The following DDI1 variants were observed in gnomAD, a reference collection of about 807,000 sequenced individuals.
DDI1 encodes the protein DDI proteasomal shuttling factor 1, also known as protein DDI1 homolog 1.
DDI1 carries 6 observed loss-of-function variants against 7.2 expected under a neutral mutation model. The observed-to-expected ratio is 0.83, with a 90% CI of 0.46 to 1.64. The LOEUF (loss-of-function observed/expected upper bound fraction) is 1.64, where lower values mean the gene tolerates loss of function less well. Ranked by LOEUF, DDI1 falls within the 40% of genes most tolerant of loss-of-function variation. The pLI is 0.01. For missense variants in DDI1, 502 were observed against 516.6 expected (o/e 0.97, Z 0.27); for synonymous variants, 221 against 201.7 (o/e 1.10, Z -0.81).
At position 104,037,209 on chromosome 11, in the gene DDI1, G is replaced by C. The variant is rs774253494; in HGVS notation, c.387G>C (p.Ala129=). The C allele has an allele frequency of 5.6e-6, 9 of 1,613,604 alleles. No homozygotes were observed. In the East Asian group the frequency reaches 1.8e-4, roughly 32 times the overall value. Residue 129 remains alanine (A), a synonymous_variant, in exon 1 of 1, where the codon GCG becomes GCC. Transcript: ENST00000302259. ...TPAAQRSQGL[A]SGEKVAGLQG... ...CTGCCCAGCGGTCACAGGGCTTGGC[G>C]TCAGGAGAGAAGGTGGCCGGCCTGC...
rs1207627589 is a variant in DDI1 at position 104,038,053 on chromosome 11, G to A, written c.*40G>A. On this transcript the variant is annotated 3_prime_UTR_variant, in exon 1 of 1. Coordinates refer to ENST00000302259, the MANE Select transcript of DDI1 (RefSeq NM_001001711.3). ...ATGTTACCACCTTGAGGGAGCCTCA[G>A]GTCCCCGGCAATTATAAGTTAAGAG... The A allele has an allele frequency of 3.2e-6, 5 of 1,553,272 alleles. No homozygotes were observed. The highest frequency in any genetic ancestry group is 1.9e-5 in the Admixed American group (1 of 51,412).
At position 104,038,035 on chromosome 11, in the gene DDI1, C is replaced by T. The variant is rs755145960; in HGVS notation, c.*22C>T. ...TTAAAGCACGTTATAAATATGTTAC[C>T]ACCTTGAGGGAGCCTCAGGTCCCCG... On this transcript the variant is annotated 3_prime_UTR_variant, in exon 1 of 1. Transcript: ENST00000302259. The T allele has an allele frequency of 1.3e-6, 2 of 1,593,440 alleles. No homozygotes were observed. Among genetic ancestry groups the T allele is most frequent in the Non-Finnish European group, 1.7e-6 (2 of 1,166,692 alleles).
Position 104,037,087 on chromosome 11 carries a change from C to T in DDI1, c.265C>T (p.Pro89Ser), listed in dbSNP as rs1361081860. 4.3e-6 allele frequency: 7 copies of T among 1,614,194 alleles called. No homozygotes were observed. The East Asian group carries it at 1.3e-4, about 31-fold the overall frequency. Reference protein sequence around the residue: ...NVGPRAPGRAPNQPRVDFSGI... With the variant: ...NVGPRAPGRASNQPRVDFSGI... ...GGGACCTCGGGCTCCAGGGCGTGCCCCGAACCAGCCTCGTGTAGACTTCAG... is the reference window on the plus strand; with the variant it reads ...GGGACCTCGGGCTCCAGGGCGTGCCTCGAACCAGCCTCGTGTAGACTTCAG... Residue 89 changes from proline to serine, a missense_variant, in exon 1 of 1, where the codon CCG (proline) becomes TCG (serine). Pro to Ser is a moderately conservative substitution (Grantham distance 74). Transcript: ENST00000302259.
In DDI1 at chr11:104,037,841, G is replaced by A; in HGVS notation, c.1019G>A (p.Cys340Tyr). The change falls in exon 1 of 1, where the codon TGT (cysteine) becomes TAT (tyrosine). Residue 340 changes from cysteine to tyrosine, a missense_variant. By Grantham distance (194) the Cys-to-Tyr change is radical. Transcript: ENST00000302259. ...LGLDMLRRHQ[C>Y]SIDLKKNVLV... is the part of the protein sequence containing the mutation. Reference sequence around the variant, plus strand: ...CTAGATATGCTCCGGAGACATCAATGTTCCATCGATTTGAAGAAAAATGTG... The same window carrying A: ...CTAGATATGCTCCGGAGACATCAATATTCCATCGATTTGAAGAAAAATGTG... The A allele has an allele frequency of 6.2e-7, 1 of 1,614,152 alleles. No homozygotes were observed. Among genetic ancestry groups the A allele is most frequent in the East Asian group, 2.2e-5 (1 of 44,880 alleles).
chr11:104,038,280 A>C lies in DDI1; in HGVS notation c.*267A>C. The C allele has an allele frequency of 2.4e-6, 1 of 417,660 alleles. No homozygotes were observed. The highest frequency in any genetic ancestry group is 5.0e-5 in the South Asian group (1 of 19,868). 25.9% of individuals were successfully genotyped at this position (417,660 alleles called of 1,614,324 possible). On this transcript the variant is annotated 3_prime_UTR_variant, in exon 1 of 1. Coordinates refer to ENST00000302259, the MANE Select transcript of DDI1 (RefSeq NM_001001711.3). ...GATTTCCAGATAATCCATGAAAAAGAAAACCAGCTTCTTCCTTTAGAGACA... is the reference window on the plus strand; with the variant it reads ...GATTTCCAGATAATCCATGAAAAAGCAAACCAGCTTCTTCCTTTAGAGACA...
rs771642015 is a variant in DDI1 at position 104,037,048 on chromosome 11, C to T, written c.226C>T (p.Gln76Ter). Residue 76 changes from glutamine to a stop codon, truncating the protein, a stop_gained, in exon 1 of 1, where the codon CAG becomes TAG. Transcript: ENST00000302259. LOFTEE classifies it low-confidence loss of function (END_TRUNC). ...AGATGGCGATATCGTGGTTTTACTGCAGAAGGACAATGTGGGACCTCGGGC... is the reference window on the plus strand; with the variant it reads ...AGATGGCGATATCGTGGTTTTACTGTAGAAGGACAATGTGGGACCTCGGGC... The part of the protein sequence containing the change: ...LKDGDIVVLL[Q>*]KDNVGPRAPG... The T allele has an allele frequency of 1.9e-6, 3 of 1,614,244 alleles. No individual in the cohort carries two copies. In the South Asian group the frequency reaches 3.3e-5, roughly 18 times the overall value.
In DDI1 at chr11:104,037,362, T is replaced by A; in HGVS notation, c.540T>A (p.Ser180=). 1 of 1,614,036 alleles carries A rather than the reference T, an allele frequency of 6.2e-7. No homozygotes were observed. The highest frequency in any genetic ancestry group is 8.5e-7 in the Non-Finnish European group (1 of 1,180,014). Residue 180 remains serine, a synonymous_variant, in exon 1 of 1, where the codon TCT becomes TCA. Transcript: ENST00000302259. ...ALLSGSLETF[S]QVLMEQQREK... is the part of the protein sequence containing the mutation. Reference sequence around the variant, plus strand: ...TCAGCGGAAGCCTTGAGACCTTTTCTCAGGTGCTGATGGAGCAGCAAAGGG... The same window carrying A: ...TCAGCGGAAGCCTTGAGACCTTTTCACAGGTGCTGATGGAGCAGCAAAGGG...
At position 104,036,816 on chromosome 11, in the gene DDI1, C is replaced by G. The variant is rs1259217430; in HGVS notation, c.-7C>G. The G allele has an allele frequency of 6.2e-7, 1 of 1,609,310 alleles. No individual in the cohort carries two copies. ...CTCTGCTAGCCCGGCCCGCCCGGGC[C>G]CCCGCCATGCTGATCACCGTGTACT... On this transcript the variant is annotated 5_prime_UTR_variant, in exon 1 of 1. Coordinates refer to ENST00000302259, the MANE Select transcript of DDI1 (RefSeq NM_001001711.3).
Position 104,036,864 on chromosome 11 carries a change from G to A in DDI1, c.42G>A (p.Glu14=), listed in dbSNP as rs1860246904. The part of the protein sequence containing the change: ...TVYCVRRDLS[E]VTFSLQVSPD... ...ACTGCGTGCGGAGGGACCTCTCCGA[G>A]GTCACCTTCTCTCTCCAGGTCAGCC... is the stretch of plus-strand genomic sequence containing the variant. The change falls in exon 1 of 1, where the codon GAG becomes GAA. Residue 14 remains glutamate (E), a synonymous_variant. Coordinates refer to ENST00000302259, the MANE Select transcript of DDI1 (RefSeq NM_001001711.3). The A allele has an allele frequency of 5.0e-6, 8 of 1,614,110 alleles. No individual in the cohort carries two copies. Among genetic ancestry groups the A allele is most frequent in the South Asian group, 3.3e-5 (3 of 91,084 alleles).
chr11:104,037,568 A>T lies in DDI1; in HGVS notation c.746A>T (p.Lys249Ile). The change falls in exon 1 of 1, where the codon AAA becomes ATA. Residue 249 changes from lysine (K) to isoleucine (I), a missense_variant. Coordinates refer to ENST00000302259, the MANE Select transcript of DDI1 (RefSeq NM_001001711.3). ...GTGACGATGCTCTACATTAACTGCA[A>T]AGTGAATGGGCATCCTTTGAAGGCT... ...GQVTMLYINC[K>I]VNGHPLKAFV... 6.2e-7 allele frequency: 1 copy of T among 1,614,042 alleles called. No individual in the cohort carries two copies. The highest frequency in any genetic ancestry group is 8.5e-7 in the Non-Finnish European group (1 of 1,180,016).
rs1860305490 is a variant in DDI1, at chr11:104,039,161, T to A, written c.*1148T>A. The A allele has an allele frequency of 1.2e-5, 2 of 167,024 alleles. No homozygotes were observed. The highest frequency in any genetic ancestry group is 4.8e-5 in the African/African-American group (2 of 41,456). The allele number at this position is 167,024 out of a possible 1,614,324, so 10.3% of individuals were successfully genotyped here. ...GGAAATGTTTCAGGACAATAATTTA[T>A]CAAAACTAGTATTAAAACAGCGGAT... On this transcript the variant is annotated 3_prime_UTR_variant, in exon 1 of 1. Transcript: ENST00000302259.
In DDI1 at chr11:104,037,398, G is replaced by C. The variant is rs1320335149; in HGVS notation, c.576G>C (p.Leu192Phe). ...TGGAGCAGCAAAGGGAAAAGGCCTTGAGAGAGCAAGAGAGGCTTCGTCTCT... is the reference window on the plus strand; with the variant it reads ...TGGAGCAGCAAAGGGAAAAGGCCTTCAGAGAGCAAGAGAGGCTTCGTCTCT... ...VLMEQQREKA[L>F]REQERLRLYT... The change falls in exon 1 of 1, where the codon TTG becomes TTC. Residue 192 changes from leucine to phenylalanine, a missense_variant. Physicochemically the swap from Leu to Phe is conservative, Grantham distance 22. Transcript: ENST00000302259. The C allele has an allele frequency of 6.2e-7, 1 of 1,614,100 alleles. No homozygotes were observed. Among genetic ancestry groups the C allele is most frequent in the South Asian group, 1.1e-5 (1 of 91,090 alleles).
In DDI1 at chr11:104,037,175, G is replaced by A. The variant is rs779548652; in HGVS notation, c.353G>A (p.Arg118His). The change falls in exon 1 of 1, where the codon CGC (arginine) becomes CAC (histidine). Residue 118 changes from arginine (R) to histidine (H), a missense_variant. Transcript: ENST00000302259. Reference sequence around the variant, plus strand: ...CAGCACCCTGGACAGCAGCAGCAGCGCACACCCGCTGCCCAGCGGTCACAG... The same window carrying A: ...CAGCACCCTGGACAGCAGCAGCAGCACACACCCGCTGCCCAGCGGTCACAG... ...RPQHPGQQQQ[R>H]TPAAQRSQGL... 3.1e-6 allele frequency: 5 copies of A among 1,613,508 alleles called. No homozygotes were observed. Among genetic ancestry groups the A allele is most frequent in the Non-Finnish European group, 4.2e-6 (5 of 1,179,976 alleles).
At position 104,038,481 on chromosome 11, in the gene DDI1, T is replaced by C. The variant is rs1860291422; in HGVS notation, c.*468T>C. 1 of 176,926 alleles carries C rather than the reference T, an allele frequency of 5.7e-6. No individual in the cohort carries two copies. The highest frequency in any genetic ancestry group is 1.4e-5 in the Non-Finnish European group (1 of 73,160). 11.0% of individuals were successfully genotyped at this position (176,926 alleles called of 1,614,324 possible). A position where few individuals can be genotyped will look rare whatever the true frequency, so the allele number is the denominator to read the frequency against. ...CCATTTTCACAGGTTTTGTTTTCTTTGGGAAGGGTATTAGAAATGGTAGGT... is the reference window on the plus strand; with the variant it reads ...CCATTTTCACAGGTTTTGTTTTCTTCGGGAAGGGTATTAGAAATGGTAGGT... On this transcript the variant is annotated 3_prime_UTR_variant, in exon 1 of 1. Transcript: ENST00000302259.
Position 104,036,647 on chromosome 11 carries a change from C to T in DDI1, c.-176C>T. The T allele has an allele frequency of 6.5e-6, 4 of 614,254 alleles. No homozygotes were observed. Among genetic ancestry groups the T allele is most frequent in the Non-Finnish European group, 1.2e-5 (4 of 346,604 alleles). 38.1% of individuals were successfully genotyped at this position (614,254 alleles called of 1,614,324 possible). A position where few individuals can be genotyped will look rare whatever the true frequency, so the allele number is the denominator to read the frequency against. On this transcript the variant is annotated 5_prime_UTR_variant, in exon 1 of 1. Transcript: ENST00000302259. ...CCTGGCCACACAGCAGGCACTGAGG[C>T]TGGGAGACAGCCCCCAGACAGATGA...
In DDI1 at chr11:104,037,657, A is replaced by G. The variant is rs1159410971; in HGVS notation, c.835A>G (p.Met279Val). Residue 279 changes from methionine (M) to valine (V), a missense_variant, in exon 1 of 1, where the codon ATG becomes GTG. Met to Val is a conservative substitution (Grantham distance 21). Transcript: ENST00000302259. ...SQACAERCNI[M>V]RLVDRRWAGV... is the part of the protein sequence containing the mutation. ...GGCTTGTGCCGAGCGATGTAACATC[A>G]TGAGGCTGGTGGACCGACGGTGGGC... 8.7e-6 allele frequency: 14 copies of G among 1,614,046 alleles called. No individual in the cohort carries two copies. Among genetic ancestry groups the G allele is most frequent in the Non-Finnish European group, 1.2e-5 (14 of 1,180,050 alleles).
chr11:104,037,315 C>A lies in DDI1; in HGVS notation c.493C>A (p.Pro165Thr), dbSNP rs775701319. 5 of 1,613,558 alleles carry A rather than the reference C, an allele frequency of 3.1e-6. No homozygotes were observed. The highest frequency in any genetic ancestry group is 4.2e-6 in the Non-Finnish European group (5 of 1,179,648). ...HDLSLLKERN[P>T]PLAEALLSGS... ...TCTGTCCCTGCTCAAGGAACGCAAC[C>A]CTCCCTTGGCGGAAGCCCTGCTCAG... The change falls in exon 1 of 1, where the codon CCT (proline) becomes ACT (threonine). Residue 165 changes from proline to threonine, a missense_variant. Transcript: ENST00000302259.
chr11:104,037,959 T>C lies in DDI1; in HGVS notation c.1137T>C (p.Ser379=). 1 of 1,614,136 alleles carries C rather than the reference T, an allele frequency of 6.2e-7. No homozygotes were observed. Among genetic ancestry groups the C allele is most frequent in the South Asian group, 1.1e-5 (1 of 91,072 alleles). ...GGATGGTAAGTGGGCAAGATGAGTC[T>C]TCGGACAAGGAAATTACACATTCAG... is the stretch of plus-strand genomic sequence containing the variant. The part of the protein sequence containing the change: ...CSRMVSGQDE[S]SDKEITHSVM... Residue 379 remains serine, a synonymous_variant, in exon 1 of 1, where the codon TCT becomes TCC. Transcript: ENST00000302259.
rs980764306 is a variant in DDI1, at chr11:104,038,537, T to C, written c.*524T>C. ...ACACTATGATGTTAACTAATACTTA[T>C]ACATGTCTGTTTGGGGCAGCATAAA... is the stretch of plus-strand genomic sequence containing the variant. On this transcript the variant is annotated 3_prime_UTR_variant, in exon 1 of 1. Coordinates refer to ENST00000302259, the MANE Select transcript of DDI1 (RefSeq NM_001001711.3). The C allele has an allele frequency of 1.9e-4, 33 of 169,352 alleles. No individual in the cohort carries two copies. Among genetic ancestry groups the C allele is most frequent in the Non-Finnish European group, 1.0e-4 (7 of 69,576 alleles). The allele number at this position is 169,352 out of a possible 1,614,324, so 10.5% of individuals were successfully genotyped here.
Sources: gnomAD v4.1 joint callset for allele counts on GRCh38, gnomAD v4.1.1 for gene constraint, MANE v1.5 for transcripts, NCBI Gene and HGNC (gene_info 2026-07-23, HGNC 2026-07-21) for gene names.